The following MGMT variants were observed in gnomAD, a reference collection of about 807,000 sequenced individuals.
MGMT encodes the protein O-6-methylguanine-DNA methyltransferase.
A neutral mutation model predicts 15.9 loss-of-function variants in MGMT; 14 were observed. The ratio of observed to expected loss-of-function variants is 0.88; its 90% CI spans 0.58 to 1.37. The LOEUF (loss-of-function observed/expected upper bound fraction) is 1.37. Ranked by LOEUF, MGMT falls within the 40% of genes most tolerant of loss-of-function variation. The pLI is 0.00. For missense variants in MGMT, 282 were observed against 268.1 expected, an observed-to-expected ratio of 1.05 and a Z score of -0.36; for synonymous variants, 130 against 118.2, an observed-to-expected ratio of 1.10 and a Z score of -0.65.
chr10:129,747,288 CT>C (rs1230200213), intron 3 of MGMT, among the ~76,000 whole-genome samples: 1 of 151,924 alleles, frequency 6.6e-6, no homozygotes, highest in South Asian at 2.1e-4. Flanking sequence ...CCTCATCTTG[CT>C]TTTTTTGCAC....
At position 129,533,953 on chromosome 10, in the gene MGMT, G is replaced by C. The variant is rs1480311545; in HGVS notation, c.-12-2288G>C. On this transcript the variant is annotated intron_variant, in intron 1 of 4. Transcript: ENST00000651593. The surrounding 1 kb of genome is among the most constrained non-coding windows in gnomAD (Gnocchi z 4.5). The stretch of plus-strand genomic sequence containing the variant: ...GGAGTTGGGGCAGCGTACTCCAGGG[G>C]ATAAGATCAGAGGTGAAGGGGGTTG... Among the ~76,000 whole-genome samples, 1 of 152,140 alleles carries C rather than the reference G, an allele frequency of 6.6e-6. No individual in the cohort carries two copies. The highest frequency in any genetic ancestry group is 2.4e-5 in the African/African-American group (1 of 41,436).
intron 2 of MGMT, among the ~76,000 whole-genome samples, chr10:129,665,314 C>T (rs1048468164): frequency 6.7e-6 from 1 of 148,470 alleles, no homozygotes; most frequent in African/African-American, 2.5e-5. Context: ...CTCTCTCTCT[C>T]TCTCTAACTC....
At chr10:129,610,398 G>A (rs1846945324) in intron 2 of MGMT, among the ~76,000 whole-genome samples, 1 of 152,112 alleles carries the variant, frequency 6.6e-6, no homozygotes, top group South Asian at 2.1e-4. Flanking sequence ...TGCCCTCCTT[G>A]CTGTTCTGGA....
At chr10:129,757,615 G>C (rs1848822164) in intron 3 of MGMT, among the ~76,000 whole-genome samples, 1 of 152,152 alleles carries the variant, frequency 6.6e-6, no homozygotes, top group Non-Finnish European at 1.5e-5. Flanking sequence ...TCAACAGCAG[G>C]CTACCTTGCT....
At chr10:129,716,955 A>G (rs943099593) in intron 3 of MGMT, among the ~76,000 whole-genome samples, 6 of 152,234 alleles carry the variant, frequency 3.9e-5, no homozygotes, top group Non-Finnish European at 5.9e-5. Context: ...CTAAGAAAAA[A>G]GGCCGCATTG....
intron 4 of MGMT, among the ~76,000 whole-genome samples, chr10:129,765,634 C>T (rs1201870815): frequency 1.3e-5 from 2 of 152,240 alleles, no homozygotes; most frequent in Non-Finnish European, 2.9e-5. Context: ...TTCGCCATCA[C>T]TGTCCCCTCT....
intron 2 of MGMT, among the ~76,000 whole-genome samples, chr10:129,681,385 G>A (rs1435680411): frequency 5.3e-5 from 8 of 152,262 alleles, no homozygotes; most frequent in South Asian, 2.1e-4. Context: ...CTGTGGGGAC[G>A]CCCATGGTCC....
At chr10:129,577,662 C>G (rs898234427) in intron 2 of MGMT, among the ~76,000 whole-genome samples, 2 of 152,176 alleles carry the variant, frequency 1.3e-5, no homozygotes, top group Non-Finnish European at 2.9e-5. Context: ...AAAGCAATGG[C>G]AACAAAAGCC....
chr10:129,632,081 T>C (rs926749608), intron 2 of MGMT, among the ~76,000 whole-genome samples: 4 of 152,204 alleles, frequency 2.6e-5, no homozygotes, highest in Non-Finnish European at 5.9e-5. Context: ...GTTACTAAAG[T>C]TTGGATTGCG....
rs1469263314 is a variant in MGMT, at chr10:129,732,972, G to A, written c.274+24929G>A. Among the ~76,000 whole-genome samples, 6 of 151,372 alleles carry A rather than the reference G, an allele frequency of 4.0e-5. No homozygotes were observed. In the Middle Eastern group the frequency reaches 0.017, roughly 432 times the overall value. ...CAGTCTATCATTGTTGGACATTTGG[G>A]TTGGTTCCAAGTCTTTGCTATTGTA... On this transcript the variant is annotated intron_variant, in intron 3 of 4. Transcript: ENST00000651593.
intron 4 of MGMT, among the ~76,000 whole-genome samples, chr10:129,761,605 C>T (rs184382396): frequency 7.5e-4 from 115 of 152,360 alleles, no homozygotes; most frequent in Admixed American, 6.3e-3. Flanking sequence ...AGTATGGCCT[C>T]AGTCACTGAA....
chr10:129,706,987 C>T (rs752771881), intron 2 of MGMT, among the ~76,000 whole-genome samples: 44 of 152,188 alleles, frequency 2.9e-4, no homozygotes, highest in South Asian at 8.3e-4. Flanking sequence ...AAGAGGGCCG[C>T]GCAGTAGCTC....
At chr10:129,638,155 T>A (rs1026061556) in intron 2 of MGMT, among the ~76,000 whole-genome samples, 5 of 152,138 alleles carry the variant, frequency 3.3e-5, no homozygotes, top group Admixed American at 2.0e-4. Flanking sequence ...ATGTTTCACT[T>A]AACTTCATCT....
At chr10:129,718,297 C>T (rs759280458) in intron 3 of MGMT, among the ~76,000 whole-genome samples, 80 of 152,194 alleles carry the variant, frequency 5.3e-4, no homozygotes, top group Admixed American at 7.9e-4. Context: ...GCGCTTCGGG[C>T]TAGGTGTCTC....
At chr10:129,528,441 T>G (rs1459151371) in intron 1 of MGMT, among the ~76,000 whole-genome samples, 1 of 148,554 alleles carries the variant, frequency 6.7e-6, no homozygotes, top group African/African-American at 2.5e-5. Flanking sequence ...GTGGCCACTG[T>G]GCAGGCTGGG....
intron 2 of MGMT, among the ~76,000 whole-genome samples, chr10:129,685,336 C>T (rs767025692): frequency 6.6e-6 from 1 of 152,210 alleles, no homozygotes; most frequent in Non-Finnish European, 1.5e-5. Context: ...CCTGCCTGGC[C>T]TGGGCAGCTG....
At chr10:129,489,359 C>CAA (rs34274988) in intron 1 of MGMT, among the ~76,000 whole-genome samples, 7,120 of 57,308 alleles carry the variant, frequency 0.12, 723 homozygotes, top group East Asian at 0.19. Flanking sequence ...GACTCTGTCT[C>CAA]AAAAAAAAAA....
In MGMT at chr10:129,659,374, G is replaced by T. The variant is rs75082342; in HGVS notation, c.126-48521G>T. 1.5e-5 allele frequency among the ~76,000 whole-genome samples: 2 copies of T among 135,440 alleles called. No individual in the cohort carries two copies. The highest frequency in any genetic ancestry group is 3.6e-5 in the African/African-American group (1 of 27,932). The allele number at this position is 135,440 out of a possible 152,430, so 88.9% of individuals were successfully genotyped here. ...TCCCTGTGTGGAAAAAAAAAAAAAA[G>T]ATACTCAGATGTAGCTGTCTCTGCC... On this transcript the variant is annotated intron_variant, in intron 2 of 4. Coordinates refer to ENST00000651593, the MANE Select transcript of MGMT (RefSeq NM_002412.5). The surrounding 1 kb of genome is among the most constrained non-coding windows in gnomAD (Gnocchi z 4.1).
At chr10:129,739,106 G>C (rs1055042769) in intron 3 of MGMT, among the ~76,000 whole-genome samples, 6 of 152,080 alleles carry the variant, frequency 3.9e-5, no homozygotes, top group Admixed American at 2.0e-4. Context: ...ATTCAGCAGC[G>C]CTTCATGCTA....
Sources: allele counts gnomAD v4.1 joint callset (sites outside exome capture counted in the v4.1 genomes callset), GRCh38; gene constraint gnomAD v4.1.1; non-coding constraint Gnocchi (gnomAD v3.1); transcripts MANE v1.5; gene names NCBI Gene and HGNC (gene_info 2026-07-23, HGNC 2026-07-21).